SDK1: variants seen among roughly 807,000 people sequenced by gnomAD.
SDK1 encodes the protein protein sidekick-1.
In SDK1, 157 loss-of-function variants were observed where a neutral mutation model predicts 245.5. The observed-to-expected ratio is 0.64, with a 90% confidence interval of 0.56 to 0.73. The LOEUF is 0.73. Ranked by LOEUF, SDK1 falls within the 30% of genes least tolerant of loss-of-function variation. SDK1 has a pLI of 0.00. For missense variants in SDK1, 3,583 were observed against 3,002.3 expected (o/e 1.19, Z -4.52); for synonymous variants, 1,647 against 1,278.5 (o/e 1.29, Z -6.15).
At chr7:3,732,528 C>T (rs547533512) in intron 4 of SDK1, among the ~76,000 whole-genome samples, 5 of 152,194 alleles carry the variant, frequency 3.3e-5, no homozygotes, top group Admixed American at 6.5e-5. Flanking sequence ...TTATTTCTTT[C>T]ACATATTTCC....
At chr7:3,832,946 A>T (rs879845984) in intron 5 of SDK1, among the ~76,000 whole-genome samples, 1 of 152,064 alleles carries the variant, frequency 6.6e-6, no homozygotes, top group Non-Finnish European at 1.5e-5. Context: ...TATTTTGCCC[A>T]GGAATAACTA....
rs545490580 is a variant in SDK1 at position 3,720,488 on chromosome 7, T to C, written c.713+78383T>C. On this transcript the variant is annotated intron_variant, in intron 4 of 44. Transcript: ENST00000404826. ...AAACATGTATAAAGATATTCAACTT[T>C]ACTAGCCACCAGGAAAATATAAACT... Among the ~76,000 whole-genome samples the C allele has an allele frequency of 3.1e-4, 47 of 152,296 alleles. 1 individual carries two copies. The highest frequency in any genetic ancestry group is 1.1e-3 in the African/African-American group (44 of 41,548).
chr7:3,696,289 C>A (rs1784569943), intron 4 of SDK1, among the ~76,000 whole-genome samples: 1 of 152,094 alleles, frequency 6.6e-6, no homozygotes, highest in South Asian at 2.1e-4. Flanking sequence ...TCCTCCACTC[C>A]TTGGATCCCC....
At position 3,660,682 on chromosome 7, in the gene SDK1, C is replaced by G. The variant is rs186530491; in HGVS notation, c.713+18577C>G. On this transcript the variant is annotated intron_variant, in intron 4 of 44. Transcript: ENST00000404826. ...ATGAGAAAGTTTAGGATCAAACAAC[C>G]ATAGCAGCACTAGCTCATGCTTCAC... 8.5e-5 allele frequency among the ~76,000 whole-genome samples: 13 copies of G among 152,304 alleles called. No homozygotes were observed. In the South Asian group the frequency reaches 1.2e-3, roughly 15 times the overall value.
chr7:4,095,789 G>C (rs932668775), intron 22 of SDK1, among the ~76,000 whole-genome samples: 1 of 152,192 alleles, frequency 6.6e-6, no homozygotes, highest in Admixed American at 6.5e-5. Context: ...GGCCAGGCTG[G>C]TCTCGAACTT....
At chr7:3,758,053 C>T (rs2114986026) in intron 4 of SDK1, among the ~76,000 whole-genome samples, 1 of 152,284 alleles carries the variant, frequency 6.6e-6, no homozygotes, top group East Asian at 1.9e-4. Flanking sequence ...ACCACAGTTC[C>T]TTAGAAGCAA....
chr7:4,265,830 A>G lies in SDK1; in HGVS notation c.*446A>G. 1.0e-6 allele frequency: 1 copy of G among 995,332 alleles called. No homozygotes were observed. Among genetic ancestry groups the G allele is most frequent in the Non-Finnish European group, 1.2e-6 (1 of 837,462 alleles). The allele number at this position is 995,332 out of a possible 1,614,324, so 61.7% of individuals were successfully genotyped here. A position where few individuals can be genotyped will look rare whatever the true frequency, so the allele number is the denominator to read the frequency against. ...CTCTTCCAGAGAACCAGCGGCTCAC[A>G]CCCTTCTCAACGCAGGACATCCTCG... On this transcript the variant is annotated 3_prime_UTR_variant, in exon 45 of 45. Coordinates refer to ENST00000404826, the MANE Select transcript of SDK1 (RefSeq NM_152744.4).
In SDK1 at chr7:3,677,136, C is replaced by A. The variant is rs191799765; in HGVS notation, c.713+35031C>A. Reference sequence around the variant, plus strand: ...CTTAGTGAAGACTTTTCTGGCCACCCTACTTAAACCCTTGGAATTTCCAAC... The same window carrying A: ...CTTAGTGAAGACTTTTCTGGCCACCATACTTAAACCCTTGGAATTTCCAAC... On this transcript the variant is annotated intron_variant, in intron 4 of 44. Coordinates refer to ENST00000404826, the MANE Select transcript of SDK1 (RefSeq NM_152744.4). Among the ~76,000 whole-genome samples, 214 of 152,212 alleles carry A rather than the reference C, an allele frequency of 1.4e-3. 1 individual carries two copies. Among genetic ancestry groups the A allele is most frequent in the Middle Eastern group, 3.4e-3 (1 of 294 alleles).
intron 1 of SDK1, among the ~76,000 whole-genome samples, chr7:3,321,107 G>C (rs1438788585): frequency 2.0e-5 from 3 of 152,144 alleles, no homozygotes; most frequent in African/African-American, 7.2e-5. Flanking sequence ...TCAACTGAAG[G>C]CTCTTGAAAT....
At chr7:3,349,667 T>C (rs1780605108) in intron 1 of SDK1, among the ~76,000 whole-genome samples, 2 of 152,108 alleles carry the variant, frequency 1.3e-5, no homozygotes, top group Non-Finnish European at 2.9e-5. Context: ...TGGTAAGATC[T>C]CGGCTCACTG....
chr7:3,682,925 G>T (rs983596760), intron 4 of SDK1, among the ~76,000 whole-genome samples: 16 of 151,942 alleles, frequency 1.1e-4, no homozygotes, highest in Admixed American at 1.3e-4. Context: ...GTAGAGACGG[G>T]GTTTCACCAT....
chr7:3,676,923 G>C (rs1219781394), intron 4 of SDK1, among the ~76,000 whole-genome samples: 1 of 152,162 alleles, frequency 6.6e-6, no homozygotes, highest in Non-Finnish European at 1.5e-5. Flanking sequence ...TTGTAGTATA[G>C]TTTGAAGTTG....
chr7:3,431,199 C>T (rs1429480524), intron 1 of SDK1, among the ~76,000 whole-genome samples: 1 of 152,176 alleles, frequency 6.6e-6, no homozygotes, highest in African/African-American at 2.4e-5. Context: ...CCACGCCTGG[C>T]CTTTTATCAC....
At chr7:3,686,492 G>A (rs572204160) in intron 4 of SDK1, among the ~76,000 whole-genome samples, 2 of 152,340 alleles carry the variant, frequency 1.3e-5, no homozygotes, top group South Asian at 2.1e-4. Flanking sequence ...GCTGTACAAG[G>A]ACACATATGC....
intron 4 of SDK1, among the ~76,000 whole-genome samples, chr7:3,647,157 A>G (rs1357026906): frequency 1.3e-5 from 2 of 152,248 alleles, no homozygotes; most frequent in Non-Finnish European, 2.9e-5. Flanking sequence ...AGGCCAAAGC[A>G]GGAGGATGGC....
intron 1 of SDK1, among the ~76,000 whole-genome samples, chr7:3,325,238 C>G (rs1451943788): frequency 6.6e-6 from 1 of 152,024 alleles, no homozygotes; most frequent in Admixed American, 6.6e-5. Flanking sequence ...GATTCGTGAT[C>G]TGAGCATTAA....
chr7:3,599,944 T>C (rs1781203041), intron 1 of SDK1, among the ~76,000 whole-genome samples: 1 of 152,232 alleles, frequency 6.6e-6, no homozygotes, highest in South Asian at 2.1e-4. Context: ...CTTAGAATAA[T>C]CTTGTATATA....
In SDK1 at chr7:3,971,563, A is replaced by G. The variant is rs751912003; in HGVS notation, c.1812A>G (p.Ser604=). ...HCGATHDPRV[S]LRYVWKKDNV... is the part of the protein sequence containing the mutation. ...GTGCCACACATGACCCCCGGGTTTC[A>G]CTCCGGTCAGCACAATCAGTTACAA... Residue 604 remains serine, a synonymous_variant, in exon 12 of 45, where the codon TCA becomes TCG. Transcript: ENST00000404826. 6.2e-7 allele frequency: 1 copy of G among 1,609,004 alleles called. No homozygotes were observed. The highest frequency in any genetic ancestry group is 1.1e-5 in the South Asian group (1 of 90,180).
chr7:3,471,891 T>C (rs1421796376), intron 1 of SDK1, among the ~76,000 whole-genome samples: 2 of 152,234 alleles, frequency 1.3e-5, no homozygotes, highest in Non-Finnish European at 2.9e-5. Context: ...TGAAGTGTTT[T>C]GCATTTGATT....
Sources: allele counts gnomAD v4.1 joint callset (sites outside exome capture counted in the v4.1 genomes callset), GRCh38; gene constraint gnomAD v4.1.1; transcripts MANE v1.5; gene names NCBI Gene and HGNC (gene_info 2026-07-23, HGNC 2026-07-21).